The following OAS3 variants were observed in gnomAD, a reference collection of about 807,000 sequenced individuals.
OAS3 encodes 2'-5'-oligoadenylate synthetase 3.
In OAS3, 107 loss-of-function variants were observed where a neutral mutation model predicts 113.0. The ratio of observed to expected loss-of-function variants is 0.95; its 90% CI spans 0.81 to 1.11. The LOEUF is 1.11. Among genes scored for constraint, OAS3 ranks in the 50% most tolerant of loss-of-function variants. The pLI, the probability that OAS3 is intolerant of heterozygous loss-of-function variation, is 0.00. For missense variants in OAS3, 1,258 were observed against 1,389.1 expected (o/e 0.91, Z 1.50); for synonymous variants, 552 against 573.6 (o/e 0.96, Z 0.54).
At chr12:112,950,617 G>A in intron 6 of OAS3, 76 bp from the exon 7 acceptor site, 2 of 1,535,572 alleles carry the variant, frequency 1.3e-6, no homozygotes, top group African/African-American at 1.4e-5. Context: ...TGTAGATGGG[G>A]CGCAGGTGAT....
intron 2 of OAS3, chr12:112,942,085 C>G (rs1160738790): frequency 3.3e-6 from 2 of 611,810 alleles, no homozygotes; most frequent in Non-Finnish European, 5.8e-6. Flanking sequence ...GGCCCTCCCA[C>G]AGGCATCTGG....
At chr12:112,964,510 C>A in intron 11 of OAS3, 102 bp downstream of exon 11, 5 of 1,247,172 alleles carry the variant, frequency 4.0e-6, no homozygotes, top group East Asian at 2.5e-5. Context: ...TAGCAAACAG[C>A]AAAAAGCCAG....
intron 3 of OAS3, chr12:112,945,474 C>T (rs2043720028): frequency 1.3e-5 from 2 of 152,554 alleles, no homozygotes; most frequent in Non-Finnish European, 2.9e-5. Flanking sequence ...GGAGTTGGTA[C>T]ACTTCCCTCC....
chr12:112,949,337 T>G, intron 6 of OAS3, 132 bp downstream of exon 6: 1 of 674,332 alleles, frequency 1.5e-6, no homozygotes, highest in Middle Eastern at 4.0e-4. Context: ...TTTGCTGGCT[T>G]AAATAAAATA....
At chr12:112,938,808 T>C (rs1405076829) in intron 1 of OAS3, 101 bp downstream of exon 1, 6 of 919,696 alleles carry the variant, frequency 6.5e-6, no homozygotes, top group Non-Finnish European at 9.3e-6. Flanking sequence ...TATCCGCTTG[T>C]GCACCTCATT....
chr12:112,945,805 A>G (rs756349643), intron 3 of OAS3, among the ~76,000 whole-genome samples: 2 of 152,224 alleles, frequency 1.3e-5, no homozygotes, highest in Non-Finnish European at 2.9e-5. Context: ...CTCCAGGGGC[A>G]GAAAATGCTA....
intron 5 of OAS3, 75 bp from the exon 6 acceptor site, chr12:112,948,786 C>A: frequency 1.7e-6 from 2 of 1,175,442 alleles, no homozygotes; most frequent in Non-Finnish European, 2.4e-6. Flanking sequence ...AGGGCGGGAG[C>A]TGGGGAGAGA....
chr12:112,950,151 A>T (rs1472223226), intron 6 of OAS3, among the ~76,000 whole-genome samples: 1 of 152,202 alleles, frequency 6.6e-6, no homozygotes, highest in Non-Finnish European at 1.5e-5. Flanking sequence ...CCCAGCCAGC[A>T]TGTAAGTTCC....
intron 2 of OAS3, among the ~76,000 whole-genome samples, chr12:112,943,157 A>G (rs2043695298): frequency 6.6e-6 from 1 of 151,928 alleles, no homozygotes; most frequent in Admixed American, 6.6e-5. Flanking sequence ...CTGGTCTTGA[A>G]CTTCTGAGAT....
At chr12:112,946,710 C>G in intron 3 of OAS3, 33 bp from the exon 4 acceptor site, 1 of 1,557,702 alleles carries the variant, frequency 6.4e-7, no homozygotes, top group Non-Finnish European at 8.7e-7. Flanking sequence ...TCCCCTTCTT[C>G]CTTCTGAGTC....
chr12:112,943,787 C>T (rs1172842267), intron 2 of OAS3, among the ~76,000 whole-genome samples: 1 of 152,188 alleles, frequency 6.6e-6, no homozygotes. Context: ...GATCTCAGCT[C>T]ACTGCAACCT....
At chr12:112,961,917 C>T (rs1265004524) in intron 8 of OAS3, among the ~76,000 whole-genome samples, 2 of 152,070 alleles carry the variant, frequency 1.3e-5, no homozygotes, top group Admixed American at 1.3e-4. Context: ...TGCCTCAGCC[C>T]CCGTAGTAGC....
intron 2 of OAS3, chr12:112,942,192 G>C: frequency 2.0e-6 from 1 of 506,420 alleles, no homozygotes; most frequent in Non-Finnish European, 3.5e-6. Context: ...TAGCAGTAGG[G>C]GCCTGGGGAC....
At position 112,944,613 on chromosome 12, in the gene OAS3, A is replaced by G. The variant is rs769938775; in HGVS notation, c.598A>G (p.Lys200Glu). The G allele has an allele frequency of 6.2e-7, 1 of 1,614,072 alleles. No individual in the cohort carries two copies. Among genetic ancestry groups the G allele is most frequent in the Non-Finnish European group, 8.5e-7 (1 of 1,179,908 alleles). The change falls in exon 3 of 16, where the codon AAG becomes GAG. Residue 200 changes from lysine (K) to glutamate (E), a missense_variant. Lys to Glu is a moderately conservative substitution (Grantham distance 56, BLOSUM62 1). Transcript: ENST00000228928. ...NFVNIRPAKLKNLILLVKHWY... is the reference protein window; with the variant it reads ...NFVNIRPAKLENLILLVKHWY... ...TGTGAACATTCGCCCAGCCAAGTTG[A>G]AGAACCTAATCTTGCTGGTGAAGCA...
chr12:112,951,295 T>A (rs1388625313), intron 7 of OAS3, among the ~76,000 whole-genome samples: 1 of 152,190 alleles, frequency 6.6e-6, no homozygotes, highest in African/African-American at 2.4e-5. Flanking sequence ...ATTTCTCATG[T>A]TATAATTTTC....
chr12:112,972,953 C>T lies in OAS3; in HGVS notation c.*2980C>T, dbSNP rs2043998865. 4.6e-5 allele frequency: 7 copies of T among 151,508 alleles called. No individual in the cohort carries two copies. 9.4% of individuals were successfully genotyped at this position (151,508 alleles called of 1,614,324 possible). On this transcript the variant is annotated 3_prime_UTR_variant, in exon 16 of 16. Transcript: ENST00000228928. ...GTTTTTATTGAGATACAAGTCAATACCATAAAGCTCTCACCCTTCTAAAGT... is the reference window on the plus strand; with the variant it reads ...GTTTTTATTGAGATACAAGTCAATATCATAAAGCTCTCACCCTTCTAAAGT...
At chr12:112,945,026 A>G (rs776392310) in intron 3 of OAS3, 9 of 309,834 alleles carry the variant, frequency 2.9e-5, no homozygotes, top group Non-Finnish European at 5.7e-5. Context: ...GTCTTTCCCT[A>G]TCCTGCCAGG....
At chr12:112,956,536 G>A (rs1268287991) in intron 7 of OAS3, among the ~76,000 whole-genome samples, 1 of 152,186 alleles carries the variant, frequency 6.6e-6, no homozygotes, top group Admixed American at 6.5e-5. Context: ...GGTATGTTGT[G>A]TCTTTGTTCT....
chr12:112,944,281 T>G (rs2043706038), intron 2 of OAS3, among the ~76,000 whole-genome samples, 195 bp from the exon 3 acceptor site: 1 of 152,142 alleles, frequency 6.6e-6, no homozygotes, highest in African/African-American at 2.4e-5. Flanking sequence ...CATTCTGGAG[T>G]GCCGCTCTTC....
Sources: gnomAD v4.1 joint callset for allele counts (sites outside exome capture counted in the v4.1 genomes callset) on GRCh38, gnomAD v4.1.1 for gene constraint, MANE v1.5 for transcripts, NCBI Gene and HGNC (gene_info 2026-07-23, HGNC 2026-07-21) for gene names.